FAT3: variants seen among roughly 807,000 people sequenced by gnomAD.
FAT3 encodes protocadherin Fat 3.
A neutral mutation model predicts 310.2 loss-of-function variants in FAT3; 95 were observed. That is an observed-to-expected ratio of 0.31 (90% CI 0.26 to 0.36). The LOEUF is 0.36. FAT3 is among the 10% of genes least tolerant of loss of function. The pLI is 1.00. For synonymous variants in FAT3, 2,314 were observed against 2,192.9 expected, an observed-to-expected ratio of 1.06 and a Z score of -1.54; for missense variants, 5,408 against 5,715.6, an observed-to-expected ratio of 0.95 and a Z score of 1.74.
chr11:92,753,174 G>A (rs1945873506), intron 4 of FAT3, among the ~76,000 whole-genome samples: 1 of 152,078 alleles, frequency 6.6e-6, no homozygotes. Context: ...TTGAGCCAAG[G>A]CCTTAAGAAA....
chr11:92,388,169 A>C (rs974219343), intron 2 of FAT3, among the ~76,000 whole-genome samples: 3 of 152,138 alleles, frequency 2.0e-5, no homozygotes, highest in Non-Finnish European at 4.4e-5. Context: ...GGTTTTGTGG[A>C]TGTGTCACAA....
chr11:92,626,607 C>T (rs181431701), intron 3 of FAT3, among the ~76,000 whole-genome samples: 10 of 152,104 alleles, frequency 6.6e-5, no homozygotes, highest in African/African-American at 2.2e-4. Context: ...CCAGAAGACA[C>T]TCAAGTGTAT....
chr11:92,709,620 G>T (rs569270261), intron 4 of FAT3, among the ~76,000 whole-genome samples: 117 of 152,332 alleles, frequency 7.7e-4, no homozygotes, highest in South Asian at 4.8e-3. Flanking sequence ...TTGGCTGAGT[G>T]GAAGTTTAGG....
chr11:92,359,746 T>TG (rs1448822996), intron 2 of FAT3, among the ~76,000 whole-genome samples: 1 of 142,842 alleles, frequency 7.0e-6, no homozygotes. Context: ...TTTTTGTTCT[T>TG]GCGATAGTTT....
rs1950002513 is a variant in FAT3 at position 92,895,108 on chromosome 11, T to G, written c.*3995T>G. ...ATTGTCCAGATAATTGGCTCTTCAC[T>G]CCGCTGCCTTCCCAGTGCACAGGTA... On this transcript the variant is annotated 3_prime_UTR_variant, in exon 28 of 28. Transcript: ENST00000525166. 2 of 152,266 alleles carry G rather than the reference T, an allele frequency of 1.3e-5. No homozygotes were observed. The highest frequency in any genetic ancestry group is 2.4e-5 in the African/African-American group (1 of 41,466). 9.4% of individuals were successfully genotyped at this position (152,266 alleles called of 1,614,324 possible).
intron 1 of FAT3, among the ~76,000 whole-genome samples, chr11:92,315,663 A>G (rs1333625898): frequency 6.6e-6 from 1 of 151,348 alleles, no homozygotes; most frequent in East Asian, 2.0e-4. Context: ...AGCGGGGACT[A>G]CAGACATGCA....
At chr11:92,806,599 TA>T in intron 12 of FAT3, 84 bp downstream of exon 12, 1 of 1,166,002 alleles carries the variant, frequency 8.6e-7, no homozygotes, top group Non-Finnish European at 1.2e-6. Flanking sequence ...CACTAGTAAA[TA>T]GTTAGTAGTA....
At chr11:92,705,985 GTGA>G in intron 4 of FAT3, among the ~76,000 whole-genome samples, 1 of 70,772 alleles carries the variant, frequency 1.4e-5, no homozygotes, top group Admixed American at 1.4e-4. Context: ...GGCAGTGATG[GTGA>G]TGGTGGTGGT....
At chr11:92,729,419 A>C (rs987796735) in intron 4 of FAT3, among the ~76,000 whole-genome samples, 7 of 151,248 alleles carry the variant, frequency 4.6e-5, no homozygotes, top group South Asian at 2.1e-4. Context: ...AATGGACCCC[A>C]GACTGAATTT....
At chr11:92,642,726 AT>A (rs1368399254) in intron 3 of FAT3, among the ~76,000 whole-genome samples, 2 of 152,188 alleles carry the variant, frequency 1.3e-5, no homozygotes, top group African/African-American at 4.8e-5. Context: ...ACAGCAGACT[AT>A]GTCATGACTG....
intron 4 of FAT3, among the ~76,000 whole-genome samples, chr11:92,754,300 T>C (rs1469640894): frequency 4.6e-5 from 7 of 151,954 alleles, no homozygotes; most frequent in Admixed American, 4.6e-4. Context: ...TGTTTGTATA[T>C]ATACACAATG....
rs752681909 is a variant in FAT3, at chr11:92,887,103, TGAC to T, written c.13045_13047del (p.Asp4349del). ...TCAGCTCCTTCCAGTCAGATTCTGG[TGAC>T]GACAATGGTAAGAAGTCATCAGATT... is the stretch of plus-strand genomic sequence containing the variant. On this transcript the variant is annotated inframe_deletion, in exon 25 of 28. Transcript: ENST00000525166. The T allele has an allele frequency of 4.3e-6, 7 of 1,609,414 alleles. No individual in the cohort carries two copies. Among genetic ancestry groups the T allele is most frequent in the Non-Finnish European group, 5.9e-6 (7 of 1,178,102 alleles).
At chr11:92,732,961 G>C (rs560005377) in intron 4 of FAT3, among the ~76,000 whole-genome samples, 10 of 152,214 alleles carry the variant, frequency 6.6e-5, no homozygotes, top group Non-Finnish European at 1.3e-4. Context: ...TGAGTTTGAT[G>C]TTAAAAAACA....
At chr11:92,861,055 C>T (rs749399403) in intron 21 of FAT3, among the ~76,000 whole-genome samples, 2 of 152,186 alleles carry the variant, frequency 1.3e-5, no homozygotes, top group Non-Finnish European at 2.9e-5. Flanking sequence ...AAGAAAAACT[C>T]AAAAACCTAA....
At position 92,798,758 on chromosome 11, in the gene FAT3, C is replaced by T; in HGVS notation, c.5745C>T (p.Pro1915=). 6.2e-7 allele frequency: 1 copy of T among 1,613,766 alleles called. No homozygotes were observed. Among genetic ancestry groups the T allele is most frequent in the South Asian group, 1.1e-5 (1 of 91,028 alleles). ...CCACAGATCCTGACTCTGAGGTACCCCCTGAACTGACATACAGCCTAATGG... is the reference window on the plus strand; with the variant it reads ...CCACAGATCCTGACTCTGAGGTACCTCCTGAACTGACATACAGCCTAATGG... ...VSATDPDSEV[P]PELTYSLMEG... The change falls in exon 10 of 28, where the codon CCC becomes CCT. Residue 1915 remains proline (P), a synonymous_variant. Transcript: ENST00000525166.
chr11:92,739,270 C>T (rs1032251199), intron 4 of FAT3, among the ~76,000 whole-genome samples: 1 of 152,174 alleles, frequency 6.6e-6, no homozygotes, highest in African/African-American at 2.4e-5. Context: ...GATGCAATGA[C>T]CTGATACCTC....
chr11:92,353,077 A>G lies in FAT3; in HGVS notation c.965A>G (p.Asn322Ser), dbSNP rs765996784. Residue 322 changes from asparagine (N) to serine (S), a missense_variant, in exon 2 of 28, where the codon AAT becomes AGT. Asn to Ser is a conservative substitution (Grantham distance 46). Coordinates refer to ENST00000525166, the MANE Select transcript of FAT3 (RefSeq NM_001367949.2). ...CTGGCTAAGGAAGGAAAGTGGTTGA[A>G]TGAGTACAAGATTAAGGAGAGGAAG... ...FFLAKEGKWL[N>S]EYKIKERKQI... 6 of 1,613,752 alleles carry G rather than the reference A, an allele frequency of 3.7e-6. No individual in the cohort carries two copies. Among genetic ancestry groups the G allele is most frequent in the Non-Finnish European group, 4.2e-6 (5 of 1,179,856 alleles).
At chr11:92,626,744 GA>G (rs1271722462) in intron 3 of FAT3, among the ~76,000 whole-genome samples, 3 of 152,154 alleles carry the variant, frequency 2.0e-5, no homozygotes, top group African/African-American at 4.8e-5. Flanking sequence ...AAGAGTTAAG[GA>G]AAGCCTAGAG....
intron 3 of FAT3, among the ~76,000 whole-genome samples, chr11:92,572,918 G>T (rs1938258999): frequency 6.6e-6 from 1 of 152,124 alleles, no homozygotes; most frequent in African/African-American, 2.4e-5. Context: ...AAGTGAAAAA[G>T]AAAAGGCAGA....
Sources: gnomAD v4.1 joint callset for allele counts (sites outside exome capture counted in the v4.1 genomes callset) on GRCh38, gnomAD v4.1.1 for gene constraint, MANE v1.5 for transcripts, NCBI Gene and HGNC (gene_info 2026-07-23, HGNC 2026-07-21) for gene names.